Variants in KCNH8 observed in about 807,000 individuals in gnomAD.
The protein encoded by KCNH8 is voltage-gated delayed rectifier potassium channel KCNH8.
Under a neutral mutation model 103.6 loss-of-function variants are expected in KCNH8, and 70 were observed. The ratio of observed to expected loss-of-function variants is 0.68; its 90% CI spans 0.56 to 0.82. The LOEUF (loss-of-function observed/expected upper bound fraction) is 0.82. KCNH8 is among the 40% of genes least tolerant of loss of function. KCNH8 has a pLI of 0.00. For synonymous variants in KCNH8, 498 were observed against 489.4 expected (o/e 1.02, Z -0.23); for missense variants, 1,217 against 1,329.9 (o/e 0.92, Z 1.32).
At chr3:19,219,536 A>C (rs760655854) in intron 1 of KCNH8, among the ~76,000 whole-genome samples, 1 of 152,158 alleles carries the variant, frequency 6.6e-6, no homozygotes, top group African/African-American at 2.4e-5. Context: ...AGTTTGAGAG[A>C]TGCAACCCTT....
chr3:19,291,371 G>C (rs1255722885), intron 3 of KCNH8, among the ~76,000 whole-genome samples: 1 of 152,052 alleles, frequency 6.6e-6, no homozygotes, highest in Non-Finnish European at 1.5e-5. Flanking sequence ...GCTTTCTCTT[G>C]TGGGCATTTA....
intron 1 of KCNH8, among the ~76,000 whole-genome samples, chr3:19,251,199 A>T (rs2125251534): frequency 6.6e-6 from 1 of 152,264 alleles, no homozygotes; most frequent in East Asian, 1.9e-4. Flanking sequence ...ATCGTTAAGG[A>T]CTGGGACCAC....
chr3:19,233,532 T>C (rs924518307), intron 1 of KCNH8, among the ~76,000 whole-genome samples: 9 of 152,204 alleles, frequency 5.9e-5, no homozygotes, highest in Admixed American at 3.9e-4. Flanking sequence ...AGTAGTTCAA[T>C]TGGAGCAAAT....
chr3:19,376,092 G>T (rs1171245606), intron 5 of KCNH8, among the ~76,000 whole-genome samples: 1 of 152,164 alleles, frequency 6.6e-6, no homozygotes, highest in African/African-American at 2.4e-5. Context: ...GCCTACAGAG[G>T]CAGGCAGGCC....
intron 1 of KCNH8, among the ~76,000 whole-genome samples, chr3:19,205,848 CAG>C (rs1027794805): frequency 2.0e-5 from 3 of 151,780 alleles, no homozygotes; most frequent in Non-Finnish European, 4.4e-5. Flanking sequence ...TTTGGGGGAA[CAG>C]GGGGTATTTG....
chr3:19,276,884 A>G (rs1387312251), intron 2 of KCNH8, among the ~76,000 whole-genome samples: 1 of 152,158 alleles, frequency 6.6e-6, no homozygotes, highest in Admixed American at 6.6e-5. Context: ...GGAAATCAAT[A>G]TATTAAAGAG....
chr3:19,183,052 AG>A (rs1442861149), intron 1 of KCNH8, among the ~76,000 whole-genome samples: 1 of 152,176 alleles, frequency 6.6e-6, no homozygotes, highest in Non-Finnish European at 1.5e-5. Flanking sequence ...ACCTGATTAA[AG>A]GTGTTTATCT....
chr3:19,165,559 T>G (rs2063274915), intron 1 of KCNH8, among the ~76,000 whole-genome samples: 1 of 152,180 alleles, frequency 6.6e-6, no homozygotes, highest in Non-Finnish European at 1.5e-5. Flanking sequence ...ACTCCTTAGG[T>G]AAAAACAGCC....
intron 1 of KCNH8, among the ~76,000 whole-genome samples, chr3:19,183,552 T>G (rs998526686): frequency 6.6e-6 from 1 of 152,160 alleles, no homozygotes; most frequent in African/African-American, 2.4e-5. Context: ...CTAAGTGGAC[T>G]AAAGGCTTAA....
At chr3:19,488,002 G>C (rs947389795) in intron 11 of KCNH8, among the ~76,000 whole-genome samples, 2 of 152,120 alleles carry the variant, frequency 1.3e-5, no homozygotes, top group South Asian at 4.1e-4. Flanking sequence ...CACCAGTATT[G>C]ACCAAAAACT....
intron 7 of KCNH8, among the ~76,000 whole-genome samples, chr3:19,435,967 A>G (rs1444938371): frequency 6.6e-6 from 1 of 152,198 alleles, no homozygotes; most frequent in Non-Finnish European, 1.5e-5. Flanking sequence ...AAATCTAAAG[A>G]GTAAAATAAT....
chr3:19,340,335 TA>T (rs1304992325), intron 3 of KCNH8, among the ~76,000 whole-genome samples: 1 of 137,106 alleles, frequency 7.3e-6, no homozygotes, highest in Non-Finnish European at 1.5e-5. Flanking sequence ...AGATTCAATT[TA>T]TTTTTTTTAT....
Position 19,508,117 on chromosome 3 carries a change from T to G in KCNH8, c.2041-2246T>G, listed in dbSNP as rs561810811. The stretch of plus-strand genomic sequence containing the variant: ...CCTACTTGATCATGCTGTATGAACT[T>G]TTTGATGTGCTGCTGGATTCATTTT... On this transcript the variant is annotated intron_variant, in intron 11 of 15. Coordinates refer to ENST00000328405, the MANE Select transcript of KCNH8 (RefSeq NM_144633.3). 5.9e-5 allele frequency among the ~76,000 whole-genome samples: 9 copies of G among 152,324 alleles called. No homozygotes were observed. In the South Asian group the frequency reaches 8.3e-4, roughly 14 times the overall value.
intron 1 of KCNH8, among the ~76,000 whole-genome samples, chr3:19,204,323 G>A (rs2063691639): frequency 6.6e-6 from 1 of 151,982 alleles, no homozygotes; most frequent in African/African-American, 2.4e-5. Context: ...CTTAGAGGTG[G>A]CTGGATAAGA....
intron 7 of KCNH8, among the ~76,000 whole-genome samples, chr3:19,397,355 A>AT (rs1424797062): frequency 6.6e-6 from 1 of 151,424 alleles, no homozygotes; most frequent in African/African-American, 2.4e-5. Context: ...GATTTGCAAT[A>AT]TTTTTTTTCA....
intron 3 of KCNH8, among the ~76,000 whole-genome samples, chr3:19,334,797 C>G (rs1390265633): frequency 1.3e-5 from 2 of 150,872 alleles, no homozygotes; most frequent in African/African-American, 4.9e-5. Context: ...GAAAGAGATT[C>G]ATTTCCTGCT....
rs752847642 is a variant in KCNH8 at position 19,371,933 on chromosome 3, G to A, written c.812-18548G>A. Among the ~76,000 whole-genome samples the A allele has an allele frequency of 9.4e-3, 1,412 of 149,920 alleles. 4 individuals are homozygous for A. The highest frequency in any genetic ancestry group is 0.014 in the Non-Finnish European group (959 of 67,190). Reference sequence around the variant, plus strand: ...GATCAGATAGTTGTAGATATGTGGCGTTATTTCTGAGGGCTCTGTTCTGTT... The same window carrying A: ...GATCAGATAGTTGTAGATATGTGGCATTATTTCTGAGGGCTCTGTTCTGTT... On this transcript the variant is annotated intron_variant, in intron 5 of 15. Transcript: ENST00000328405.
intron 1 of KCNH8, among the ~76,000 whole-genome samples, chr3:19,163,456 C>T (rs917933754): frequency 2.6e-4 from 40 of 151,836 alleles, no homozygotes; most frequent in Middle Eastern, 3.4e-3. Flanking sequence ...TAATTTATAC[C>T]TTATTTTATA....
intron 1 of KCNH8, among the ~76,000 whole-genome samples, chr3:19,231,801 TG>T (rs2063997758): frequency 6.6e-6 from 1 of 152,250 alleles, no homozygotes. Context: ...ATTCTGTGAA[TG>T]CTACTCACTC....
Sources: gnomAD v4.1 joint callset for allele counts (sites outside exome capture counted in the v4.1 genomes callset) on GRCh38, gnomAD v4.1.1 for gene constraint, MANE v1.5 for transcripts, NCBI Gene and HGNC (gene_info 2026-07-23, HGNC 2026-07-21) for gene names.